Variants in MGAT4C observed in about 807,000 individuals in gnomAD.
The protein encoded by MGAT4C is alpha-1,3-mannosyl-glycoprotein 4-beta-N-acetylglucosaminyltransferase C.
In MGAT4C, 19 loss-of-function variants were observed where a neutral mutation model predicts 40.1. That is an observed-to-expected ratio of 0.47 (90% CI 0.33 to 0.70). MGAT4C has a LOEUF of 0.70. Among genes scored for constraint, MGAT4C ranks in the 30% least tolerant of loss-of-function variants. The pLI, the probability that MGAT4C is intolerant of heterozygous loss-of-function variation, is 0.02. For missense variants in MGAT4C, 491 were observed against 563.2 expected (o/e 0.87, Z 1.30); for synonymous variants, 181 against 187.1 (o/e 0.97, Z 0.27).
intron 2 of MGAT4C, among the ~76,000 whole-genome samples, chr12:86,484,112 A>G (rs1354868747): frequency 2.0e-5 from 3 of 151,928 alleles, no homozygotes; most frequent in Non-Finnish European, 4.4e-5. Flanking sequence ...GATCCCAGCT[A>G]CAAGAGATGC....
intron 1 of MGAT4C, among the ~76,000 whole-genome samples, chr12:86,775,858 T>C (rs1191299395): frequency 6.7e-6 from 1 of 150,224 alleles, no homozygotes; most frequent in African/African-American, 2.5e-5. Context: ...AATATATATA[T>C]ATAATATATT....
chr12:86,401,258 ATATG>A (rs986482642), intron 3 of MGAT4C, among the ~76,000 whole-genome samples: 4 of 148,004 alleles, frequency 2.7e-5, no homozygotes, highest in South Asian at 4.3e-4. Context: ...TAACATATAT[ATATG>A]TGTGTGTGTG....
intron 3 of MGAT4C, among the ~76,000 whole-genome samples, chr12:86,395,430 G>A (rs936432661): frequency 1.3e-5 from 2 of 152,066 alleles, no homozygotes; most frequent in African/African-American, 4.8e-5. Context: ...TTTAAATTAT[G>A]CTTTTAAAAA....
At chr12:85,983,113 C>CTAGGAAA (rs764848398) in intron 4 of MGAT4C, among the ~76,000 whole-genome samples, 8 of 152,066 alleles carry the variant, frequency 5.3e-5, no homozygotes, top group South Asian at 2.1e-4. Flanking sequence ...TTATGGCAGA[C>CTAGGAAA]CTAGGAAACT....
chr12:86,475,892 C>T (rs553221351), intron 2 of MGAT4C, among the ~76,000 whole-genome samples: 17 of 151,584 alleles, frequency 1.1e-4, no homozygotes, highest in East Asian at 7.8e-4. Context: ...CACCATTTAC[C>T]GAGAATTTCT....
At chr12:86,091,192 A>C (rs924932705) in intron 1 of MGAT4C, among the ~76,000 whole-genome samples, 1 of 152,038 alleles carries the variant, frequency 6.6e-6, no homozygotes, top group African/African-American at 2.4e-5. Flanking sequence ...TTTCTTTAAA[A>C]AATGAATTTA....
chr12:86,207,878 A>T (rs1460100386), intron 1 of MGAT4C, among the ~76,000 whole-genome samples: 3 of 152,234 alleles, frequency 2.0e-5, no homozygotes, highest in African/African-American at 4.8e-5. Context: ...TATGGGATAT[A>T]AAAATAGTAA....
chr12:86,003,984 G>A (rs1430064176), intron 2 of MGAT4C, among the ~76,000 whole-genome samples: 2 of 152,006 alleles, frequency 1.3e-5, no homozygotes, highest in African/African-American at 4.8e-5. Context: ...TAAGAGAACT[G>A]AGAGCTTGCA....
intron 3 of MGAT4C, among the ~76,000 whole-genome samples, chr12:86,367,867 T>C (rs1955636034): frequency 6.6e-6 from 1 of 152,104 alleles, no homozygotes; most frequent in South Asian, 2.1e-4. Context: ...CTTAAACTCT[T>C]AGTCTCTAAG....
intron 1 of MGAT4C, among the ~76,000 whole-genome samples, chr12:86,759,282 C>T (rs1015706209): frequency 1.3e-5 from 2 of 151,982 alleles, no homozygotes; most frequent in Non-Finnish European, 2.9e-5. Flanking sequence ...TTTATCCACT[C>T]ATTTGTGGAG....
Position 85,964,027 on chromosome 12 carries a change from T to C in MGAT4C, c.*15262A>G, listed in dbSNP as rs1000005139. 7 of 151,846 alleles carry C rather than the reference T, an allele frequency of 4.6e-5. No homozygotes were observed. The highest frequency in any genetic ancestry group is 1.7e-4 in the African/African-American group (7 of 41,364). 9.4% of individuals were successfully genotyped at this position (151,846 alleles called of 1,614,324 possible). The stretch of plus-strand genomic sequence containing the variant: ...CTCAGATTACAACTATGATGATAAT[T>C]TAGATAAACAAGCAGAAAACAAAAC... On this transcript the variant is annotated 3_prime_UTR_variant, in exon 5 of 5. Coordinates refer to ENST00000611864, the MANE Select transcript of MGAT4C (RefSeq NM_001351288.2).
intron 2 of MGAT4C, among the ~76,000 whole-genome samples, chr12:86,038,540 C>CTTTATTTATTTATTTATTTATTTATTTA (rs143349417): frequency 4.9e-5 from 7 of 144,090 alleles, no homozygotes; most frequent in African/African-American, 1.8e-4. Flanking sequence ...TCAACCCTTG[C>CTTTATTTATTTATTTATTTATTTATTTA]TTTATTTATT....
At chr12:86,803,480 C>G (rs908848031) in intron 1 of MGAT4C, among the ~76,000 whole-genome samples, 3 of 152,026 alleles carry the variant, frequency 2.0e-5, no homozygotes, top group African/African-American at 7.2e-5. Flanking sequence ...GAACAGGCAA[C>G]CTACAACATG....
chr12:86,066,158 C>T (rs1894520486), intron 1 of MGAT4C, among the ~76,000 whole-genome samples: 1 of 152,126 alleles, frequency 6.6e-6, no homozygotes. Context: ...AGATTCAATG[C>T]TATCCCCATC....
At chr12:85,993,747 AAG>A (rs1251791842) in intron 2 of MGAT4C, among the ~76,000 whole-genome samples, 1 of 152,136 alleles carries the variant, frequency 6.6e-6, no homozygotes, top group Non-Finnish European at 1.5e-5. Context: ...AAATCCAGAA[AAG>A]AGAGGGGAGA....
intron 1 of MGAT4C, among the ~76,000 whole-genome samples, chr12:86,824,175 T>C (rs1411953223): frequency 6.6e-6 from 1 of 151,328 alleles, no homozygotes; most frequent in Non-Finnish European, 1.5e-5. Context: ...TCTTATCAGA[T>C]TGACCCTGGC....
intron 1 of MGAT4C, among the ~76,000 whole-genome samples, chr12:86,149,819 G>A (rs1376593216): frequency 6.6e-6 from 1 of 152,014 alleles, no homozygotes; most frequent in Non-Finnish European, 1.5e-5. Context: ...AACTACCATG[G>A]TTCTCAATAA....
chr12:86,539,227 A>G (rs1198597813), intron 2 of MGAT4C, among the ~76,000 whole-genome samples: 1 of 138,198 alleles, frequency 7.2e-6, no homozygotes, highest in African/African-American at 2.8e-5. Context: ...TCCCGTGTCC[A>G]AGTGTTCTCA....
At chr12:86,188,126 GA>G (rs1888982662) in intron 1 of MGAT4C, among the ~76,000 whole-genome samples, 1 of 151,922 alleles carries the variant, frequency 6.6e-6, no homozygotes, top group Non-Finnish European at 1.5e-5. Flanking sequence ...AGTTATACTA[GA>G]AAAGTATTTT....
Sources: gnomAD v4.1 joint callset for allele counts (sites outside exome capture counted in the v4.1 genomes callset) on GRCh38, gnomAD v4.1.1 for gene constraint, MANE v1.5 for transcripts, NCBI Gene and HGNC (gene_info 2026-07-23, HGNC 2026-07-21) for gene names.